The following ARHGAP24 variants were observed in gnomAD, a reference collection of about 807,000 sequenced individuals.
ARHGAP24 encodes rho GTPase-activating protein 24.
Under a neutral mutation model 76.4 loss-of-function variants are expected in ARHGAP24, and 50 were observed. That is an observed-to-expected ratio of 0.65 (90% CI 0.52 to 0.83). The LOEUF is 0.83. ARHGAP24 is among the 40% of genes least tolerant of loss of function. ARHGAP24 has a pLI of 0.00. For synonymous variants in ARHGAP24, 345 were observed against 323.3 expected, an observed-to-expected ratio of 1.07 and a Z score of -0.72; for missense variants, 930 against 914.2, an observed-to-expected ratio of 1.02 and a Z score of -0.22.
chr4:85,687,727 GT>G (rs200707372), intron 2 of ARHGAP24, among the ~76,000 whole-genome samples: 6 of 150,788 alleles, frequency 4.0e-5, no homozygotes, highest in Non-Finnish European at 5.9e-5. Flanking sequence ...CAATTGCATG[GT>G]TTTTTTTTCT....
intron 5 of ARHGAP24, among the ~76,000 whole-genome samples, chr4:85,957,913 T>C (rs1035239961): frequency 6.6e-6 from 1 of 152,222 alleles, no homozygotes; most frequent in African/African-American, 2.4e-5. Flanking sequence ...AAAAAGCCCA[T>C]GCATCTAGAA....
At chr4:85,661,928 T>G (rs1722404809) in intron 2 of ARHGAP24, among the ~76,000 whole-genome samples, 1 of 152,174 alleles carries the variant, frequency 6.6e-6, no homozygotes, top group South Asian at 2.1e-4. Flanking sequence ...TATTGGACAT[T>G]TGGGTTGGTT....
At chr4:85,758,053 G>T (rs1474318726) in intron 3 of ARHGAP24, among the ~76,000 whole-genome samples, 1 of 145,022 alleles carries the variant, frequency 6.9e-6, no homozygotes, top group Non-Finnish European at 1.5e-5. Context: ...TGCTTTGGAA[G>T]AAGAAGGGGG....
At chr4:85,808,077 C>T (rs73833885) in intron 3 of ARHGAP24, among the ~76,000 whole-genome samples, 12 of 152,196 alleles carry the variant, frequency 7.9e-5, no homozygotes, top group African/African-American at 1.2e-4. Context: ...ACATAGTTGT[C>T]GGTTGCTTCT....
intron 3 of ARHGAP24, among the ~76,000 whole-genome samples, chr4:85,848,858 T>C (rs948814194): frequency 1.9e-4 from 29 of 152,296 alleles, no homozygotes; most frequent in Middle Eastern, 6.8e-3. Flanking sequence ...AGCCTTGTAG[T>C]ATAGTTTGAA....
chr4:85,985,138 T>A (rs72986060), intron 8 of ARHGAP24, among the ~76,000 whole-genome samples: 1 of 152,150 alleles, frequency 6.6e-6, no homozygotes, highest in Non-Finnish European at 1.5e-5. Context: ...GTAACTCTTA[T>A]ACTCAAAGGA....
chr4:85,894,482 T>C (rs1464523543), intron 3 of ARHGAP24, among the ~76,000 whole-genome samples: 1 of 152,188 alleles, frequency 6.6e-6, no homozygotes, highest in Non-Finnish European at 1.5e-5. Context: ...TTGCTCTTGT[T>C]CTTTGAAGGC....
intron 1 of ARHGAP24, among the ~76,000 whole-genome samples, chr4:85,566,759 A>G (rs1726864865): frequency 6.6e-6 from 1 of 152,214 alleles, no homozygotes; most frequent in Non-Finnish European, 1.5e-5. Flanking sequence ...ACAACTAAAG[A>G]CATAGCAATT....
chr4:85,681,730 A>G (rs2110010399), intron 2 of ARHGAP24, among the ~76,000 whole-genome samples: 1 of 152,340 alleles, frequency 6.6e-6, no homozygotes, highest in Middle Eastern at 3.4e-3. Context: ...AGGATCCTCT[A>G]CAGGATCTTC....
At chr4:85,632,320 C>A (rs1410706784) in intron 2 of ARHGAP24, among the ~76,000 whole-genome samples, 1 of 151,978 alleles carries the variant, frequency 6.6e-6, no homozygotes. Flanking sequence ...ACACATAAAG[C>A]CTGACCTTCT....
At chr4:85,734,098 T>G (rs1047280924) in intron 3 of ARHGAP24, among the ~76,000 whole-genome samples, 1 of 152,150 alleles carries the variant, frequency 6.6e-6, no homozygotes, top group Non-Finnish European at 1.5e-5. Context: ...AATCCAGAAC[T>G]CTACTTATTC....
At chr4:85,707,675 G>A (rs1194812860) in intron 2 of ARHGAP24, among the ~76,000 whole-genome samples, 1 of 152,016 alleles carries the variant, frequency 6.6e-6, no homozygotes, top group African/African-American at 2.4e-5. Context: ...CCCAATATGT[G>A]CTATTTTCTT....
chr4:85,550,799 C>G (rs1329818320), intron 1 of ARHGAP24, among the ~76,000 whole-genome samples: 3 of 151,942 alleles, frequency 2.0e-5, no homozygotes, highest in Non-Finnish European at 4.4e-5. Flanking sequence ...GTATTTTATT[C>G]TTTTTGTGGC....
intron 3 of ARHGAP24, among the ~76,000 whole-genome samples, chr4:85,840,904 A>G (rs1333151569): frequency 1.3e-5 from 2 of 152,194 alleles, no homozygotes; most frequent in Non-Finnish European, 2.9e-5. Context: ...ACTGCTGATC[A>G]TTTTAGGTAT....
chr4:85,958,482 G>A (rs892271208), intron 5 of ARHGAP24, among the ~76,000 whole-genome samples: 2 of 152,110 alleles, frequency 1.3e-5, no homozygotes, highest in Non-Finnish European at 2.9e-5. Flanking sequence ...AAACTCTTCA[G>A]TATGTTTAAT....
chr4:85,733,526 G>A (rs1725496709), intron 3 of ARHGAP24, among the ~76,000 whole-genome samples: 1 of 152,160 alleles, frequency 6.6e-6, no homozygotes, highest in Admixed American at 6.6e-5. Context: ...AAAGGGGAGT[G>A]AGTAGAAAGA....
intron 2 of ARHGAP24, among the ~76,000 whole-genome samples, chr4:85,715,364 TG>T: frequency 6.6e-6 from 1 of 152,204 alleles, no homozygotes; most frequent in South Asian, 2.1e-4. Context: ...TTGCAAAATA[TG>T]GGCCCAAAAT....
At chr4:85,904,680 T>C (rs1734678749) in intron 3 of ARHGAP24, among the ~76,000 whole-genome samples, 1 of 152,236 alleles carries the variant, frequency 6.6e-6, no homozygotes, top group South Asian at 2.1e-4. Context: ...TTACCTAACA[T>C]GGCATTCAGA....
chr4:85,624,279 G>A (rs141678959), intron 2 of ARHGAP24, among the ~76,000 whole-genome samples: 49,772 of 151,598 alleles, frequency 0.33, 9,205 homozygotes, highest in East Asian at 0.84. Context: ...TAATTTTTTG[G>A]GAGTTTTTAG....
Sources: allele counts gnomAD v4.1 joint callset (sites outside exome capture counted in the v4.1 genomes callset), GRCh38; gene constraint gnomAD v4.1.1; transcripts MANE v1.5; gene names NCBI Gene and HGNC (gene_info 2026-07-23, HGNC 2026-07-21).